Variants in ADAMTS17 observed in about 807,000 individuals in gnomAD.
The protein encoded by ADAMTS17 is ADAM metallopeptidase with thrombospondin type 1 motif 17.
Under a neutral mutation model 141.5 loss-of-function variants are expected in ADAMTS17, and 113 were observed. That is an observed-to-expected ratio of 0.80 (90% confidence interval 0.69 to 0.93). The LOEUF (loss-of-function observed/expected upper bound fraction) is 0.93, where lower values mean the gene tolerates loss of function less well. Ranked by LOEUF, ADAMTS17 falls within the 40% of genes least tolerant of loss-of-function variation. The probability of loss-of-function intolerance (pLI) is 0.00; values close to 1 mark genes in which losing one functional copy is unlikely to be tolerated. For missense variants in ADAMTS17, 1,659 were observed against 1,517.9 expected, an observed-to-expected ratio of 1.09 and a Z score of -1.54; for synonymous variants, 768 against 630.6, an observed-to-expected ratio of 1.22 and a Z score of -3.27.
At chr15:99,985,263 A>T (rs1264938357) in intron 20 of ADAMTS17, among the ~76,000 whole-genome samples, 1 of 152,172 alleles carries the variant, frequency 6.6e-6, no homozygotes, top group African/African-American at 2.4e-5. Flanking sequence ...CATTCCTGGG[A>T]GTGATGGTGA....
intron 18 of ADAMTS17, among the ~76,000 whole-genome samples, chr15:100,001,994 C>CAAAAAAAAAAAAAAAAAAAAAA (rs71151931): frequency 1.7e-5 from 1 of 58,384 alleles, no homozygotes; most frequent in African/African-American, 6.1e-5. Context: ...AGGCCAAACC[C>CAAAAAAAAAAAAAAAAAAAAAA]AAAAAAAAAA....
intron 18 of ADAMTS17, among the ~76,000 whole-genome samples, chr15:100,012,993 A>G (rs150784266): frequency 5.5e-4 from 84 of 152,320 alleles, no homozygotes; most frequent in African/African-American, 1.9e-3. Flanking sequence ...TCATTTTCAC[A>G]ATATTGATTC....
chr15:100,265,558 G>C (rs1384491614), intron 4 of ADAMTS17, among the ~76,000 whole-genome samples: 2 of 152,204 alleles, frequency 1.3e-5, no homozygotes, highest in East Asian at 3.9e-4. Context: ...TCTCTGGCTA[G>C]GCAATGTAGG....
intron 18 of ADAMTS17, among the ~76,000 whole-genome samples, chr15:100,029,349 A>T (rs1255049876): frequency 6.6e-6 from 1 of 152,228 alleles, no homozygotes; most frequent in African/African-American, 2.4e-5. Context: ...GACTGTGGCA[A>T]ACTGCAAAAC....
intron 13 of ADAMTS17, 104 bp downstream of exon 13, chr15:100,116,743 G>C: frequency 6.6e-7 from 1 of 1,512,076 alleles, no homozygotes; most frequent in Non-Finnish European, 9.1e-7. Flanking sequence ...GTGTCTTGCT[G>C]GGTTGGTTTG....
In ADAMTS17 at chr15:100,084,449, C is replaced by T. The variant is rs1484494934; in HGVS notation, c.2137+11907G>A. On this transcript the variant is annotated intron_variant, in intron 15 of 21. Coordinates refer to ENST00000268070, the MANE Select transcript of ADAMTS17 (RefSeq NM_139057.4). Reference sequence around the variant, plus strand: ...CAGACAAACAAAAGGCAGGAGAAACCTCTGCAGACTTAAATGTCCCTTTCT... The same window carrying T: ...CAGACAAACAAAAGGCAGGAGAAACTTCTGCAGACTTAAATGTCCCTTTCT... 3.3e-5 allele frequency among the ~76,000 whole-genome samples: 5 copies of T among 152,342 alleles called. No homozygotes were observed. The South Asian group carries it at 1.0e-3, about 32-fold the overall frequency.
intron 8 of ADAMTS17, among the ~76,000 whole-genome samples, chr15:100,191,420 T>C (rs2141591649): frequency 6.6e-6 from 1 of 152,318 alleles, no homozygotes; most frequent in South Asian, 2.1e-4. Flanking sequence ...TTTAATGGCT[T>C]TCTGTTTGAG....
At chr15:100,033,907 C>G (rs2246813) in intron 18 of ADAMTS17, among the ~76,000 whole-genome samples, 17,763 of 152,266 alleles carry the variant, frequency 0.12, 2,764 homozygotes, top group African/African-American at 0.36. Context: ...TCACCTCCTT[C>G]CATTTCCACA....
intron 15 of ADAMTS17, among the ~76,000 whole-genome samples, chr15:100,065,753 T>G (rs1021543559): frequency 5.9e-5 from 9 of 152,200 alleles, no homozygotes; most frequent in African/African-American, 2.2e-4. Flanking sequence ...GTGCTGAATG[T>G]GCAGGTTTGT....
chr15:100,014,799 A>G (rs904373690), intron 18 of ADAMTS17, among the ~76,000 whole-genome samples: 1 of 152,154 alleles, frequency 6.6e-6, no homozygotes, highest in Non-Finnish European at 1.5e-5. Context: ...TATCTTGGAG[A>G]AAGTTCCACA....
At chr15:100,090,005 AAC>A (rs1189714527) in intron 15 of ADAMTS17, among the ~76,000 whole-genome samples, 11 of 151,382 alleles carry the variant, frequency 7.3e-5, no homozygotes, top group Non-Finnish European at 2.9e-5. Flanking sequence ...AAAAAAAAAA[AAC>A]AAAATAAAAT....
At position 100,199,353 on chromosome 15, in the gene ADAMTS17, A is replaced by G; in HGVS notation, c.1146T>C (p.Asn382=). Residue 382 remains asparagine, a synonymous_variant, in exon 8 of 22, where the codon AAT becomes AAC. Transcript: ENST00000268070. ...KCVLAEDNGL[N]LAFTIAHELG... Reference sequence around the variant, plus strand: ...GCTCATGGGCGATGGTAAAGGCCAAATTGAGACCATTGTCTTCGGCAAGCA... The same window carrying G: ...GCTCATGGGCGATGGTAAAGGCCAAGTTGAGACCATTGTCTTCGGCAAGCA... The G allele has an allele frequency of 6.2e-7, 1 of 1,614,228 alleles. No individual in the cohort carries two copies. The highest frequency in any genetic ancestry group is 8.5e-7 in the Non-Finnish European group (1 of 1,180,030).
chr15:100,317,892 G>T (rs1488155577), intron 3 of ADAMTS17, among the ~76,000 whole-genome samples: 1 of 152,146 alleles, frequency 6.6e-6, no homozygotes, highest in African/African-American at 2.4e-5. Context: ...CAGGGGCAGG[G>T]GGCAGCCGTG....
Position 100,084,242 on chromosome 15 carries a change from T to C in ADAMTS17, c.2137+12114A>G, listed in dbSNP as rs183893988. The stretch of plus-strand genomic sequence containing the variant: ...TCCCATGCCCACAGAGCCTCGCTCA[T>C]TGCTAGCACAGCAGTCTGAGATCAA... On this transcript the variant is annotated intron_variant, in intron 15 of 21. Transcript: ENST00000268070. Among the ~76,000 whole-genome samples the C allele has an allele frequency of 3.3e-5, 5 of 152,330 alleles. No homozygotes were observed. The East Asian group carries it at 5.8e-4, about 18-fold the overall frequency.
At chr15:100,161,444 T>C (rs2039689564) in intron 8 of ADAMTS17, among the ~76,000 whole-genome samples, 1 of 152,164 alleles carries the variant, frequency 6.6e-6, no homozygotes, top group Admixed American at 6.5e-5. Flanking sequence ...ATGAAGAGCT[T>C]GGGCTCCCGT....
At chr15:100,152,180 A>G (rs920649555) in intron 10 of ADAMTS17, among the ~76,000 whole-genome samples, 1 of 152,170 alleles carries the variant, frequency 6.6e-6, no homozygotes, top group African/African-American at 2.4e-5. Context: ...ATACGCTCAA[A>G]TGTTTAATAG....
Position 100,086,540 on chromosome 15 carries a change from T to C in ADAMTS17, c.2137+9816A>G, listed in dbSNP as rs905720774. Among the ~76,000 whole-genome samples the C allele has an allele frequency of 5.3e-5, 8 of 152,266 alleles. No homozygotes were observed. In the South Asian group the frequency reaches 8.3e-4, roughly 16 times the overall value. ...CTCTCCACCCCAAATCAACAGAATA[T>C]ACATTCTTCTCAGCACCACACCACA... On this transcript the variant is annotated intron_variant, in intron 15 of 21. Transcript: ENST00000268070.
At chr15:100,316,243 C>A (rs1054951569) in intron 3 of ADAMTS17, among the ~76,000 whole-genome samples, 1 of 152,204 alleles carries the variant, frequency 6.6e-6, no homozygotes, top group Non-Finnish European at 1.5e-5. Flanking sequence ...TCTGCCATAG[C>A]TGTGGTGGCA....
intron 20 of ADAMTS17, chr15:99,978,782 T>C (rs886292429): frequency 6.6e-6 from 1 of 152,166 alleles, no homozygotes; most frequent in African/African-American, 2.4e-5. Flanking sequence ...CTGGTGAGCT[T>C]TGAAAAATCC....
Sources: allele counts gnomAD v4.1 joint callset (sites outside exome capture counted in the v4.1 genomes callset), GRCh38; gene constraint gnomAD v4.1.1; transcripts MANE v1.5; gene names NCBI Gene and HGNC (gene_info 2026-07-23, HGNC 2026-07-21).